Variants in PHF14 observed in about 807,000 individuals in gnomAD.
PHF14 encodes the protein PHD finger protein 14.
In PHF14, 55 loss-of-function variants were observed where a neutral mutation model predicts 117.9. That is an observed-to-expected ratio of 0.47 (90% CI 0.38 to 0.58). The LOEUF is 0.58. Among genes scored for constraint, PHF14 ranks in the 20% least tolerant of loss-of-function variants. The pLI is 0.00. For synonymous variants in PHF14, 409 were observed against 368.6 expected, an observed-to-expected ratio of 1.11 and a Z score of -1.26; for missense variants, 978 against 1,122.2, an observed-to-expected ratio of 0.87 and a Z score of 1.84.
Position 10,985,754 on chromosome 7 carries a change from G to A in PHF14, c.900+2595G>A, listed in dbSNP as rs1782203154. Among the ~76,000 whole-genome samples, 7 of 135,022 alleles carry A rather than the reference G, an allele frequency of 5.2e-5. No individual in the cohort carries two copies. In the South Asian group the frequency reaches 1.8e-3, roughly 34 times the overall value. 88.6% of individuals were successfully genotyped at this position (135,022 alleles called of 152,430 possible). On this transcript the variant is annotated intron_variant, in intron 3 of 17. Coordinates refer to ENST00000634607, the MANE Select transcript of PHF14 (RefSeq NM_001007157.2). ...TGCAACCTCCGCCTCATGGGTTCAA[G>A]CAATTCTTCTGCCTCAGTCTCCCAA...
At chr7:11,122,211 A>G (rs1225469384) in intron 17 of PHF14, among the ~76,000 whole-genome samples, 1 of 150,784 alleles carries the variant, frequency 6.6e-6, no homozygotes, top group East Asian at 2.0e-4. Context: ...TTATGGCTGC[A>G]TAGTGTTCCA....
intron 16 of PHF14, chr7:11,109,814 G>GA (rs1321647515): frequency 6.6e-6 from 1 of 151,716 alleles, no homozygotes; most frequent in Non-Finnish European, 1.5e-5. Flanking sequence ...GGTCCTATTG[G>GA]TCCTATTTGA....
chr7:10,995,710 G>C (rs184923470), intron 4 of PHF14, among the ~76,000 whole-genome samples: 41 of 152,328 alleles, frequency 2.7e-4, no homozygotes, highest in Non-Finnish European at 5.0e-4. Flanking sequence ...GGAGGCAGCT[G>C]AGGCCCGGCG....
intron 17 of PHF14, among the ~76,000 whole-genome samples, chr7:11,169,029 A>C (rs1789291467): frequency 6.6e-6 from 1 of 151,816 alleles, no homozygotes; most frequent in Non-Finnish European, 1.5e-5. Flanking sequence ...CTGTCAAGAA[A>C]GTATACTAGA....
intron 13 of PHF14, among the ~76,000 whole-genome samples, chr7:11,043,942 C>T (rs990958302): frequency 2.6e-5 from 4 of 151,994 alleles, no homozygotes; most frequent in Non-Finnish European, 2.9e-5. Context: ...CCTGATACTG[C>T]TCAGCCTGCA....
intron 7 of PHF14, among the ~76,000 whole-genome samples, chr7:11,030,954 A>G (rs1043865577): frequency 5.9e-5 from 9 of 152,222 alleles, no homozygotes; most frequent in African/African-American, 1.9e-4. Context: ...TTTGCATTTG[A>G]CAGTAATCAT....
chr7:10,991,721 G>A (rs1681291), intron 4 of PHF14, among the ~76,000 whole-genome samples: 91,599 of 145,344 alleles, frequency 0.63, 29,115 homozygotes, highest in Middle Eastern at 0.7. Flanking sequence ...TTATGGTACT[G>A]TTTCTTGTTT....
chr7:11,039,719 T>C (rs1784440246), intron 11 of PHF14, among the ~76,000 whole-genome samples: 1 of 152,232 alleles, frequency 6.6e-6, no homozygotes, highest in Admixed American at 6.5e-5. Context: ...TACTGATTTG[T>C]ACTGTGCTAT....
chr7:11,006,259 A>G, intron 4 of PHF14: 2 of 365,132 alleles, frequency 5.5e-6, no homozygotes, highest in Non-Finnish European at 1.1e-5. Context: ...CACCTTATTA[A>G]GAATGAAGTT....
At chr7:11,081,186 A>G (rs1349448153) in intron 16 of PHF14, among the ~76,000 whole-genome samples, 1 of 152,206 alleles carries the variant, frequency 6.6e-6, no homozygotes, top group East Asian at 1.9e-4. Context: ...ATAAGCACAG[A>G]GAAAGTTAAA....
rs764788245 is a variant in PHF14 at position 11,051,663 on chromosome 7, G to A, written c.2364G>A (p.Met788Ile). 4 of 1,613,440 alleles carry A rather than the reference G, an allele frequency of 2.5e-6. No homozygotes were observed. Among genetic ancestry groups the A allele is most frequent in the Non-Finnish European group, 3.4e-6 (4 of 1,179,686 alleles). Reference protein sequence around the residue: ...QAGSSDMEADMAMETLPDGTK... With the variant: ...QAGSSDMEADIAMETLPDGTK... ...GGAGCAGTGACATGGAAGCAGATAT[G>A]GCCATGGAAACCCTACCAGATGGAA... The change falls in exon 14 of 18, where the codon ATG becomes ATA. Residue 788 changes from methionine (M) to isoleucine (I), a missense_variant. Physicochemically the swap from Met to Ile is conservative, Grantham distance 10. Coordinates refer to ENST00000634607, the MANE Select transcript of PHF14 (RefSeq NM_001007157.2).
At chr7:11,080,171 C>G (rs1236974462) in intron 16 of PHF14, among the ~76,000 whole-genome samples, 2 of 152,054 alleles carry the variant, frequency 1.3e-5, no homozygotes, top group Admixed American at 6.5e-5. Flanking sequence ...CCAAAATAGA[C>G]TTTGTAAGAA....
intron 3 of PHF14, among the ~76,000 whole-genome samples, chr7:10,984,766 C>T (rs1348042631): frequency 6.6e-6 from 1 of 152,066 alleles, no homozygotes; most frequent in Non-Finnish European, 1.5e-5. Flanking sequence ...ATAAATACTG[C>T]CTAAGAGGTT....
intron 17 of PHF14, among the ~76,000 whole-genome samples, chr7:11,138,161 C>T (rs913540437): frequency 2.6e-5 from 4 of 152,030 alleles, no homozygotes; most frequent in African/African-American, 9.7e-5. Context: ...CTGCCTCAGC[C>T]TCCCGAGTAG....
intron 16 of PHF14, among the ~76,000 whole-genome samples, chr7:11,090,245 AGAG>A (rs1786592716): frequency 6.6e-6 from 1 of 152,230 alleles, no homozygotes; most frequent in South Asian, 2.1e-4. Context: ...AATCGTAGCA[AGAG>A]GAGGAGAAGT....
chr7:11,087,760 A>C (rs1273399029), intron 16 of PHF14, among the ~76,000 whole-genome samples: 3 of 152,248 alleles, frequency 2.0e-5, no homozygotes, highest in Non-Finnish European at 2.9e-5. Flanking sequence ...TGTGTGATAC[A>C]TATGGACACA....
chr7:11,110,724 A>G (rs1044478193), intron 16 of PHF14, among the ~76,000 whole-genome samples: 3 of 152,124 alleles, frequency 2.0e-5, no homozygotes, highest in Admixed American at 6.6e-5. Flanking sequence ...CTCTTTGTAT[A>G]TTTAAATGTT....
intron 17 of PHF14, among the ~76,000 whole-genome samples, chr7:11,146,367 C>G (rs1220408572): frequency 3.9e-5 from 6 of 152,148 alleles, no homozygotes; most frequent in African/African-American, 1.2e-4. Context: ...TTCAGAGACT[C>G]TAACCTTATC....
chr7:11,006,044 G>A (rs6976070), intron 4 of PHF14, among the ~76,000 whole-genome samples: 17,560 of 151,810 alleles, frequency 0.12, 1,280 homozygotes, highest in African/African-American at 0.21. Context: ...TGCCCACCTC[G>A]GCCTCCCAAA....
Sources: allele counts gnomAD v4.1 joint callset (sites outside exome capture counted in the v4.1 genomes callset), GRCh38; gene constraint gnomAD v4.1.1; transcripts MANE v1.5; gene names NCBI Gene and HGNC (gene_info 2026-07-23, HGNC 2026-07-21).